The following CRB1 variants were observed in gnomAD, a reference collection of about 807,000 sequenced individuals.
CRB1 encodes the protein protein crumbs homolog 1.
A neutral mutation model predicts 120.0 loss-of-function variants in CRB1; 83 were observed. The observed-to-expected ratio is 0.69, with a 90% CI of 0.58 to 0.83. CRB1 has a LOEUF of 0.83. CRB1 is among the 40% of genes least tolerant of loss of function. The pLI, the probability that CRB1 is intolerant of heterozygous loss-of-function variation, is 0.00. For synonymous variants in CRB1, 625 were observed against 612.5 expected (o/e 1.02, Z -0.30); for missense variants, 1,699 against 1,687.6 (o/e 1.01, Z -0.12).
the CRB1 span, among the ~76,000 whole-genome samples, chr1:197,208,973 C>T: frequency 6.6e-6 from 1 of 152,086 alleles, no homozygotes. Flanking sequence ...ATTATGGCTG[C>T]CTCTGCTGCA....
At chr1:197,394,644 T>A (rs1662682180) in intron 5 of CRB1, among the ~76,000 whole-genome samples, 1 of 152,030 alleles carries the variant, frequency 6.6e-6, no homozygotes, top group African/African-American at 2.4e-5. Flanking sequence ...AATTTTAATT[T>A]ATTTCTTTAA....
chr1:197,434,987 A>G lies in CRB1; in HGVS notation c.3124A>G (p.Thr1042Ala), dbSNP rs1665065002. The change falls in exon 9 of 12, where the codon ACA becomes GCA. Residue 1042 changes from threonine to alanine, a missense_variant. Coordinates refer to ENST00000367400, the MANE Select transcript of CRB1 (RefSeq NM_201253.3). ...ATGGCACGAAGTGACCCTTTCCATG[A>G]CAGACCCACTGTCCCAGACCTCCAG... ...GTWHEVTLSMTDPLSQTSRWQ... is the reference protein window; with the variant it reads ...GTWHEVTLSMADPLSQTSRWQ... The G allele has an allele frequency of 3.1e-6, 5 of 1,613,888 alleles. No individual in the cohort carries two copies. Among genetic ancestry groups the G allele is most frequent in the Non-Finnish European group, 4.2e-6 (5 of 1,179,910 alleles).
chr1:197,222,716 C>T, the CRB1 span: 2 of 835,476 alleles, frequency 2.4e-6, no homozygotes, highest in Non-Finnish European at 4.2e-6. Flanking sequence ...GTTCATTTCC[C>T]CTGAATTCTC....
Position 197,421,326 on chromosome 1 carries a change from T to A in CRB1, c.1498T>A (p.Ser500Thr). Residue 500 changes from serine (S) to threonine (T), a missense_variant, in exon 6 of 12, where the codon TCA becomes ACA. Transcript: ENST00000367400. ...GDGFLWVKSG[S>T]VTTKGSVCNI... ...TGGCTTCCTGTGGGTCAAAAGTGGC[T>A]CAGTGACAACCAAGGGCTCAGTTTG... The A allele has an allele frequency of 6.2e-7, 1 of 1,614,222 alleles. No individual in the cohort carries two copies. Among genetic ancestry groups the A allele is most frequent in the Non-Finnish European group, 8.5e-7 (1 of 1,180,042 alleles).
At chr1:197,355,428 C>T (rs554917171) in intron 4 of CRB1, among the ~76,000 whole-genome samples, 19 of 152,326 alleles carry the variant, frequency 1.2e-4, no homozygotes, top group South Asian at 6.2e-4. Context: ...TGATGGGACC[C>T]GGCGCCGCGG....
Position 197,296,278 on chromosome 1 carries a change from TTAC to T in CRB1, c.70+27797_70+27799del, listed in dbSNP as rs778052478. 3.5e-4 allele frequency among the ~76,000 whole-genome samples: 53 copies of T among 152,056 alleles called. 1 individual carries two copies. Among genetic ancestry groups the T allele is most frequent in the African/African-American group, 9.6e-5 (4 of 41,518 alleles). On this transcript the variant is annotated intron_variant, in intron 1 of 11. Coordinates refer to ENST00000367400, the MANE Select transcript of CRB1 (RefSeq NM_201253.3). ...TTACCAGATGTTTTGCCTCAGAAAA[TTAC>T]CTTTGCAAGCCTCACTTTCTTCATC...
In CRB1 at chr1:197,423,986, C is replaced by T. The variant is rs186676373; in HGVS notation, c.2128+2030C>T. The stretch of plus-strand genomic sequence containing the variant: ...GTAAGAACATGCAGCATTCAAGATA[C>T]TACTACTCAGAATAAATGGCATCAC... On this transcript the variant is annotated intron_variant, in intron 6 of 11. Transcript: ENST00000367400. Among the ~76,000 whole-genome samples, 13 of 152,318 alleles carry T rather than the reference C, an allele frequency of 8.5e-5. No individual in the cohort carries two copies. In the East Asian group the frequency reaches 2.5e-3, roughly 29 times the overall value.
chr1:197,229,191 C>T, the CRB1 span, among the ~76,000 whole-genome samples: 1 of 152,100 alleles, frequency 6.6e-6, no homozygotes, highest in Admixed American at 6.5e-5. Flanking sequence ...TGTGTGCCAC[C>T]CAGTCTGTGA....
chr1:197,453,537 T>TAGAG (rs1666083349), intron 11 of CRB1, among the ~76,000 whole-genome samples: 1 of 63,018 alleles, frequency 1.6e-5, no homozygotes, highest in African/African-American at 3.9e-5. Context: ...TATATATATA[T>TAGAG]ATAGAGAGAG....
intron 1 of CRB1, among the ~76,000 whole-genome samples, chr1:197,283,798 G>A (rs895645549): frequency 1.3e-5 from 2 of 150,036 alleles, no homozygotes; most frequent in Non-Finnish European, 3.0e-5. Flanking sequence ...ACATAAAACA[G>A]ATTATTATTT....
At chr1:197,290,802 T>C (rs1656131103) in intron 1 of CRB1, among the ~76,000 whole-genome samples, 1 of 151,914 alleles carries the variant, frequency 6.6e-6, no homozygotes, top group Non-Finnish European at 1.5e-5. Flanking sequence ...ATCCATTCAC[T>C]AAAATAAAGA....
At chr1:197,474,185 G>C (rs201928554) in intron 11 of CRB1, among the ~76,000 whole-genome samples, 1 of 152,150 alleles carries the variant, frequency 6.6e-6, no homozygotes, top group African/African-American at 2.4e-5. Context: ...TGTGCTTTTT[G>C]TATTTTACAT....
chr1:197,337,601 AAC>A (rs1659229246), intron 2 of CRB1, among the ~76,000 whole-genome samples: 1 of 152,204 alleles, frequency 6.6e-6, no homozygotes, highest in African/African-American at 2.4e-5. Context: ...TGTCTCTTAA[AAC>A]ATTGCTACTA....
the CRB1 span, among the ~76,000 whole-genome samples, chr1:197,213,978 G>A: frequency 6.6e-6 from 1 of 152,010 alleles, no homozygotes; most frequent in East Asian, 1.9e-4. Flanking sequence ...AAGTAGAAAA[G>A]GAAGAACAAG....
intron 5 of CRB1, among the ~76,000 whole-genome samples, chr1:197,389,409 A>G (rs1354241236): frequency 6.6e-6 from 1 of 152,192 alleles, no homozygotes; most frequent in Non-Finnish European, 1.5e-5. Context: ...ATGAACCTTG[A>G]GGAAATATGT....
chr1:197,319,046 G>T (rs1219659683), intron 1 of CRB1, among the ~76,000 whole-genome samples: 3 of 151,584 alleles, frequency 2.0e-5, no homozygotes, highest in Non-Finnish European at 4.4e-5. Context: ...GACTATAATA[G>T]GACCTGATAA....
At chr1:197,325,615 A>C (rs140860605) in intron 1 of CRB1, among the ~76,000 whole-genome samples, 47 of 152,262 alleles carry the variant, frequency 3.1e-4, no homozygotes, top group Non-Finnish European at 5.7e-4. Context: ...CCAACCATAT[A>C]TATTGAAAAT....
At chr1:197,291,934 A>T (rs897130987) in intron 1 of CRB1, among the ~76,000 whole-genome samples, 2 of 151,930 alleles carry the variant, frequency 1.3e-5, no homozygotes, top group Non-Finnish European at 2.9e-5. Flanking sequence ...AGAGGGAAAT[A>T]TATAGCACTA....
chr1:197,309,060 G>A (rs1248959678), intron 1 of CRB1, among the ~76,000 whole-genome samples: 3 of 151,060 alleles, frequency 2.0e-5, no homozygotes, highest in South Asian at 2.1e-4. Context: ...TATGTTACAT[G>A]TATATACTGT....
Sources: allele counts gnomAD v4.1 joint callset (sites outside exome capture counted in the v4.1 genomes callset), GRCh38; gene constraint gnomAD v4.1.1; transcripts MANE v1.5; gene names NCBI Gene and HGNC (gene_info 2026-07-23, HGNC 2026-07-21).